TRAPPC9: variants seen among roughly 807,000 people sequenced by gnomAD.
TRAPPC9 encodes IKK2 binding protein.
In TRAPPC9, 83 loss-of-function variants were observed where a neutral mutation model predicts 124.0. The ratio of observed to expected loss-of-function variants is 0.67; its 90% confidence interval spans 0.56 to 0.80. The LOEUF (loss-of-function observed/expected upper bound fraction) is 0.80, where lower values mean the gene tolerates loss of function less well. Among genes scored for constraint, TRAPPC9 ranks in the 30% least tolerant of loss-of-function variants. TRAPPC9 has a pLI of 0.00. For synonymous variants in TRAPPC9, 638 were observed against 617.5 expected (o/e 1.03, Z -0.49); for missense variants, 1,302 against 1,508.3 (o/e 0.86, Z 2.27).
At chr8:140,394,541 G>T (rs2069030469) in intron 7 of TRAPPC9, among the ~76,000 whole-genome samples, 1 of 152,138 alleles carries the variant, frequency 6.6e-6, no homozygotes, top group South Asian at 2.1e-4. Flanking sequence ...GCAACACAGG[G>T]GTGTGAACCT....
chr8:140,186,401 T>C (rs1324667978), intron 17 of TRAPPC9, among the ~76,000 whole-genome samples: 1 of 152,082 alleles, frequency 6.6e-6, no homozygotes, highest in East Asian at 1.9e-4. Flanking sequence ...CTGGCCAACA[T>C]GGTGAAACCC....
At chr8:139,748,869 G>A (rs905536067) in intron 21 of TRAPPC9, among the ~76,000 whole-genome samples, 2 of 152,144 alleles carry the variant, frequency 1.3e-5, no homozygotes, top group African/African-American at 2.4e-5. Flanking sequence ...GGGCCTGTGT[G>A]TATGGGGCCT....
intron 21 of TRAPPC9, among the ~76,000 whole-genome samples, chr8:139,805,921 C>G (rs1019582065): frequency 3.9e-5 from 6 of 152,208 alleles, no homozygotes; most frequent in African/African-American, 1.4e-4. Flanking sequence ...TAAGGCTAAC[C>G]TGTAATCACA....
rs1227420476 is a variant in TRAPPC9 at position 140,049,498 on chromosome 8, G to A, written c.2557-25419C>T. 5.9e-5 allele frequency among the ~76,000 whole-genome samples: 9 copies of A among 152,160 alleles called. No homozygotes were observed. In the South Asian group the frequency reaches 1.0e-3, roughly 18 times the overall value. On this transcript the variant is annotated intron_variant, in intron 17 of 22. Coordinates refer to ENST00000438773, the MANE Select transcript of TRAPPC9 (RefSeq NM_001160372.4). ...GCGGGAAGAGCCGGCCCTCGGTGAT[G>A]TGTTCTGCCCACCTCTCATCAAGCA... is the stretch of plus-strand genomic sequence containing the variant.
chr8:140,056,213 A>C (rs2132113115), intron 17 of TRAPPC9, among the ~76,000 whole-genome samples: 2 of 152,166 alleles, frequency 1.3e-5, no homozygotes, highest in Middle Eastern at 6.8e-3. Context: ...GTTTGAGACC[A>C]GCATGGGCAA....
At chr8:139,884,644 A>C (rs1829885247) in intron 21 of TRAPPC9, among the ~76,000 whole-genome samples, 2 of 152,214 alleles carry the variant, frequency 1.3e-5, no homozygotes, top group African/African-American at 4.8e-5. Flanking sequence ...GACACGGCTG[A>C]CTGTGCTCAG....
chr8:139,861,764 C>T (rs1043530217), intron 21 of TRAPPC9, among the ~76,000 whole-genome samples: 1 of 152,126 alleles, frequency 6.6e-6, no homozygotes, highest in African/African-American at 2.4e-5. Context: ...GTCTCCAAGC[C>T]TTGGTCTCCA....
intron 21 of TRAPPC9, among the ~76,000 whole-genome samples, chr8:139,771,387 T>C (rs1203834321): frequency 1.3e-5 from 2 of 152,096 alleles, no homozygotes; most frequent in Non-Finnish European, 2.9e-5. Flanking sequence ...GGACGCCGGA[T>C]CCCATGTGTA....
chr8:140,360,603 A>G (rs1324883786), intron 8 of TRAPPC9, among the ~76,000 whole-genome samples: 1 of 151,740 alleles, frequency 6.6e-6, no homozygotes, highest in African/African-American at 2.4e-5. Flanking sequence ...TCTCTAAAAT[A>G]TAAGAAAAAT....
rs150576207 is a variant in TRAPPC9 at position 140,353,341 on chromosome 8, T to A, written c.1495+6709A>T. Among the ~76,000 whole-genome samples, 1,072 of 151,692 alleles carry A rather than the reference T, an allele frequency of 7.1e-3. 15 individuals carry two copies. The highest frequency in any genetic ancestry group is 0.013 in the African/African-American group (555 of 41,316). On this transcript the variant is annotated intron_variant, in intron 9 of 22. Transcript: ENST00000438773. The surrounding 1 kb of genome is among the most constrained non-coding windows in gnomAD (Gnocchi z 4.2). ...ACCCCCCCCTTTCGTCACTCCTCAG[T>A]CTTTTCACAGTAGCATTAATATGAC...
chr8:139,822,600 T>C (rs568895865), intron 21 of TRAPPC9, among the ~76,000 whole-genome samples: 1 of 151,622 alleles, frequency 6.6e-6, no homozygotes, highest in African/African-American at 2.4e-5. Context: ...GAGTCTGACC[T>C]GAGAGCCAAG....
At chr8:140,117,806 TG>T (rs2060917806) in intron 17 of TRAPPC9, among the ~76,000 whole-genome samples, 2 of 152,232 alleles carry the variant, frequency 1.3e-5, no homozygotes, top group Non-Finnish European at 2.9e-5. Flanking sequence ...GTAAGCTTGA[TG>T]TTTTTTTCTC....
chr8:140,308,275 A>G (rs2066192783), intron 10 of TRAPPC9, among the ~76,000 whole-genome samples: 1 of 151,666 alleles, frequency 6.6e-6, no homozygotes, highest in Admixed American at 6.6e-5. Context: ...GAGGCCCTGC[A>G]AGCCATGCAA....
chr8:140,081,838 C>T (rs887770836), intron 17 of TRAPPC9, among the ~76,000 whole-genome samples: 1 of 152,196 alleles, frequency 6.6e-6, no homozygotes, highest in Non-Finnish European at 1.5e-5. Flanking sequence ...TCCATGTGCC[C>T]CTCAGTCCAT....
chr8:139,820,649 G>A (rs1431569002), intron 21 of TRAPPC9, among the ~76,000 whole-genome samples: 1 of 152,194 alleles, frequency 6.6e-6, no homozygotes, highest in African/African-American at 2.4e-5. Context: ...GCTTTATCGG[G>A]TATTAAAACA....
chr8:139,755,189 G>A lies in TRAPPC9; in HGVS notation c.3056-22987C>T, dbSNP rs751034649. Among the ~76,000 whole-genome samples, 227 of 152,360 alleles carry A rather than the reference G, an allele frequency of 1.5e-3. 1 individual carries two copies. The highest frequency in any genetic ancestry group is 1.6e-3 in the Non-Finnish European group (112 of 68,040). On this transcript the variant is annotated intron_variant, in intron 21 of 22. Coordinates refer to ENST00000438773, the MANE Select transcript of TRAPPC9 (RefSeq NM_001160372.4). Reference sequence around the variant, plus strand: ...GGCACCTGGCACCCTCCAGGTCCTCGGATAACTTGTGCTGAGTGAATCAGT... The same window carrying A: ...GGCACCTGGCACCCTCCAGGTCCTCAGATAACTTGTGCTGAGTGAATCAGT...
intron 10 of TRAPPC9, among the ~76,000 whole-genome samples, chr8:140,309,849 C>A (rs2066244832): frequency 6.6e-6 from 1 of 152,194 alleles, no homozygotes; most frequent in Non-Finnish European, 1.5e-5. Flanking sequence ...GTTGCAAGTC[C>A]CTCTGGACAT....
intron 21 of TRAPPC9, among the ~76,000 whole-genome samples, chr8:139,827,226 G>A (rs997578730): frequency 1.3e-5 from 2 of 152,252 alleles, no homozygotes; most frequent in Admixed American, 6.5e-5. Flanking sequence ...GCTCAGGGTA[G>A]TGGCTCCCTG....
intron 16 of TRAPPC9, among the ~76,000 whole-genome samples, chr8:140,233,648 CACAT>C (rs1308620861): frequency 6.8e-6 from 1 of 146,588 alleles, no homozygotes; most frequent in South Asian, 2.3e-4. Flanking sequence ...CACACACACA[CACAT>C]AAACACACCC....
Sources: allele counts gnomAD v4.1 joint callset (sites outside exome capture counted in the v4.1 genomes callset), GRCh38; gene constraint gnomAD v4.1.1; non-coding constraint Gnocchi (gnomAD v3.1); transcripts MANE v1.5; gene names NCBI Gene and HGNC (gene_info 2026-07-23, HGNC 2026-07-21).